Variants in ULK4 observed in about 807,000 individuals in gnomAD.
ULK4 encodes inactive serine/threonine-protein kinase ULK4.
ULK4 carries 133 observed loss-of-function variants against 160.6 expected under a neutral mutation model. That is an observed-to-expected ratio of 0.83 (90% confidence interval 0.72 to 0.96). ULK4 has a LOEUF of 0.96. Ranked by LOEUF, ULK4 falls within the 40% of genes least tolerant of loss-of-function variation. ULK4 has a pLI of 0.00. For synonymous variants in ULK4, 534 were observed against 539.8 expected (o/e 0.99, Z 0.15); for missense variants, 1,580 against 1,499.5 (o/e 1.05, Z -0.89).
chr3:41,380,346 T>C (rs1026110953), intron 35 of ULK4, among the ~76,000 whole-genome samples: 1 of 152,162 alleles, frequency 6.6e-6, no homozygotes, highest in Non-Finnish European at 1.5e-5. Context: ...TAACGTGCCA[T>C]TGTGCAATTT....
chr3:41,332,219 C>CA (rs2080458905), intron 35 of ULK4, among the ~76,000 whole-genome samples: 1 of 147,164 alleles, frequency 6.8e-6, no homozygotes, highest in Non-Finnish European at 1.5e-5. Flanking sequence ...AAAAAAAAAA[C>CA]AAAAAACAAA....
intron 5 of ULK4, among the ~76,000 whole-genome samples, chr3:41,923,268 G>A (rs1439088394): frequency 2.0e-5 from 3 of 152,038 alleles, no homozygotes; most frequent in East Asian, 1.9e-4. Flanking sequence ...GGAGGCTGAG[G>A]TGGGCAGATC....
chr3:41,494,498 C>G (rs996262018), intron 32 of ULK4, among the ~76,000 whole-genome samples: 3 of 150,186 alleles, frequency 2.0e-5, no homozygotes, highest in African/African-American at 7.4e-5. Flanking sequence ...AAACTGGAAG[C>G]ATTCCCTTTG....
intron 21 of ULK4, among the ~76,000 whole-genome samples, chr3:41,755,014 T>C (rs2038752426): frequency 6.6e-6 from 1 of 152,176 alleles, no homozygotes; most frequent in Non-Finnish European, 1.5e-5. Context: ...TAATTAAAGG[T>C]ATAATTCAAC....
chr3:41,418,478 G>A (rs1316114541), intron 34 of ULK4, among the ~76,000 whole-genome samples: 3 of 151,914 alleles, frequency 2.0e-5, no homozygotes, highest in African/African-American at 7.3e-5. Flanking sequence ...AACCCGTGTT[G>A]TTCAAGGGTC....
chr3:41,686,581 G>A (rs2036109833), intron 27 of ULK4, among the ~76,000 whole-genome samples: 1 of 152,118 alleles, frequency 6.6e-6, no homozygotes. Flanking sequence ...TAATCCAGAG[G>A]ATACCAGACA....
At chr3:41,622,545 T>C (rs2033300667) in intron 30 of ULK4, among the ~76,000 whole-genome samples, 1 of 130,038 alleles carries the variant, frequency 7.7e-6, no homozygotes, top group East Asian at 1.9e-4. Flanking sequence ...AGTTAAACAA[T>C]GAGAACACAC....
intron 32 of ULK4, among the ~76,000 whole-genome samples, chr3:41,475,131 C>A (rs2084100582): frequency 6.6e-6 from 1 of 152,118 alleles, no homozygotes; most frequent in Non-Finnish European, 1.5e-5. Context: ...AAATGTGGTA[C>A]ATACACGCAA....
chr3:41,831,031 TATTG>T (rs753382442), intron 18 of ULK4, among the ~76,000 whole-genome samples: 35,896 of 151,044 alleles, frequency 0.24, 5,090 homozygotes, highest in African/African-American at 0.4. Context: ...TTTATTTATT[TATTG>T]ATTTATTTAT....
intron 32 of ULK4, among the ~76,000 whole-genome samples, chr3:41,530,955 G>T (rs2086287655): frequency 6.6e-6 from 1 of 151,110 alleles, no homozygotes; most frequent in African/African-American, 2.4e-5. Context: ...GTAGAGACGG[G>T]GTTTCACCAC....
intron 35 of ULK4, among the ~76,000 whole-genome samples, chr3:41,363,394 G>C (rs2081186934): frequency 6.6e-6 from 1 of 152,206 alleles, no homozygotes. Context: ...CAGATGCCTG[G>C]TTTGGCGAAT....
At chr3:41,259,200 G>T (rs2078899295) in intron 35 of ULK4, among the ~76,000 whole-genome samples, 1 of 151,846 alleles carries the variant, frequency 6.6e-6, no homozygotes, top group African/African-American at 2.4e-5. Context: ...ACTTTAACAT[G>T]GCACTGTGTC....
chr3:41,899,830 A>C (rs528955357), intron 13 of ULK4, among the ~76,000 whole-genome samples: 1 of 152,228 alleles, frequency 6.6e-6, no homozygotes, highest in Non-Finnish European at 1.5e-5. Context: ...TCACAAAAAG[A>C]AGTAGCTCCA....
chr3:41,486,008 T>G (rs902307704), intron 32 of ULK4, among the ~76,000 whole-genome samples: 8 of 152,186 alleles, frequency 5.3e-5, no homozygotes, highest in African/African-American at 1.9e-4. Context: ...ATATCTGACC[T>G]TTTGGAAACT....
intron 25 of ULK4, among the ~76,000 whole-genome samples, chr3:41,714,506 A>C (rs1258424177): frequency 6.6e-6 from 1 of 152,162 alleles, no homozygotes; most frequent in Non-Finnish European, 1.5e-5. Context: ...TCTGTGACAA[A>C]TGTTTTAGCT....
chr3:41,895,677 A>G, intron 15 of ULK4, 113 bp from the exon 16 acceptor site: 1 of 475,360 alleles, frequency 2.1e-6, no homozygotes, highest in East Asian at 3.9e-5. Flanking sequence ...AAGGAAATTT[A>G]CACTGTACAC....
At chr3:41,377,922 C>G (rs2081545800) in intron 35 of ULK4, among the ~76,000 whole-genome samples, 1 of 150,964 alleles carries the variant, frequency 6.6e-6, no homozygotes, top group African/African-American at 2.5e-5. Context: ...GACACATGCA[C>G]ATGTATGTTT....
intron 17 of ULK4, among the ~76,000 whole-genome samples, chr3:41,848,846 A>G (rs1376778250): frequency 6.6e-6 from 1 of 152,182 alleles, no homozygotes; most frequent in African/African-American, 2.4e-5. Context: ...GGCAGAATCA[A>G]CCTTAAAAAG....
chr3:41,899,342 T>C (rs1246552833), intron 13 of ULK4: 3 of 152,230 alleles, frequency 2.0e-5, no homozygotes, highest in Admixed American at 1.3e-4. Flanking sequence ...GCAAAAGGTA[T>C]ACAGGAACTC....
Sources: allele counts gnomAD v4.1 joint callset (sites outside exome capture counted in the v4.1 genomes callset), GRCh38; gene constraint gnomAD v4.1.1; transcripts MANE v1.5; gene names NCBI Gene and HGNC (gene_info 2026-07-23, HGNC 2026-07-21).